Variants in KAT6B observed in about 807,000 individuals in gnomAD.
KAT6B encodes the protein lysine acetyltransferase 6B.
A neutral mutation model predicts 187.5 loss-of-function variants in KAT6B; 10 were observed. That is an observed-to-expected ratio of 0.05 (90% CI 0.03 to 0.09). The LOEUF is 0.09. Among genes scored for constraint, KAT6B ranks in the 10% least tolerant of loss-of-function variants. KAT6B has a pLI of 1.00. For missense variants in KAT6B, 1,952 were observed against 2,558.9 expected (o/e 0.76, Z 5.12); for synonymous variants, 861 against 926.8 (o/e 0.93, Z 1.29).
chr10:74,970,158 C>G lies in KAT6B; in HGVS notation c.928+57C>G. 3.0e-6 allele frequency: 4 copies of G among 1,336,118 alleles called. No homozygotes were observed. In the Admixed American group the frequency reaches 6.8e-5, roughly 23 times the overall value. The allele number at this position is 1,336,118 out of a possible 1,614,324, so 82.8% of individuals were successfully genotyped here. A position where few individuals can be genotyped will look rare whatever the true frequency, so the allele number is the denominator to read the frequency against. On this transcript the variant is annotated intron_variant, in intron 6 of 17. Transcript: ENST00000287239. ...TTATTACATATTGGTTAGCTTTGTC[C>G]TGAGGTCTGACAGCTCAGAGGTATA...
At chr10:75,027,479 A>G (rs180946707) in intron 17 of KAT6B, among the ~76,000 whole-genome samples, 7 of 152,262 alleles carry the variant, frequency 4.6e-5, no homozygotes, top group Admixed American at 4.6e-4. Context: ...TAATAAGACT[A>G]TTGTTCTATA....
intron 13 of KAT6B, among the ~76,000 whole-genome samples, chr10:75,012,196 C>A (rs1232549051): frequency 6.6e-6 from 1 of 152,074 alleles, no homozygotes; most frequent in Admixed American, 6.5e-5. Context: ...ACCTGTAATC[C>A]CAGCACTTTG....
intron 13 of KAT6B, among the ~76,000 whole-genome samples, chr10:75,018,318 G>A (rs967140752): frequency 3.9e-5 from 6 of 152,212 alleles, no homozygotes; most frequent in Non-Finnish European, 8.8e-5. Flanking sequence ...GGACTCTTCC[G>A]TGACTATCAG....
At chr10:74,855,202 G>A (rs1037141434) in intron 3 of KAT6B, among the ~76,000 whole-genome samples, 2 of 152,192 alleles carry the variant, frequency 1.3e-5, no homozygotes, top group African/African-American at 4.8e-5. Context: ...CTGCCATATG[G>A]AGAGCAGTGA....
At position 74,863,152 on chromosome 10, in the gene KAT6B, G is replaced by GCC. The variant is rs1372774216; in HGVS notation, c.621+19674_621+19675insCC. On this transcript the variant is annotated intron_variant, in intron 3 of 17. Transcript: ENST00000287239. Reference sequence around the variant, plus strand: ...TTATCACTGCAAATTTGACTATAAAGATAACTACTGTTGAAAGTGTGTATT... The same window carrying GCC: ...TTATCACTGCAAATTTGACTATAAAGCCATAACTACTGTTGAAAGTGTGTATT... 2.0e-5 allele frequency among the ~76,000 whole-genome samples: 3 copies of GCC among 152,294 alleles called. No homozygotes were observed. The East Asian group carries it at 5.8e-4, about 29-fold the overall frequency.
intron 1 of KAT6B, among the ~76,000 whole-genome samples, chr10:74,837,262 A>G (rs1306172821): frequency 1.3e-5 from 2 of 152,220 alleles, no homozygotes; most frequent in East Asian, 3.8e-4. Context: ...GTTATATTAT[A>G]AGACCGTATG....
intron 3 of KAT6B, among the ~76,000 whole-genome samples, chr10:74,879,913 G>C (rs940282168): frequency 6.6e-6 from 1 of 152,078 alleles, no homozygotes; most frequent in Non-Finnish European, 1.5e-5. Context: ...TGGCCAACAC[G>C]GTGAAACCCC....
intron 3 of KAT6B, among the ~76,000 whole-genome samples, chr10:74,873,281 A>T (rs1053188643): frequency 1.6e-4 from 24 of 150,058 alleles, no homozygotes; most frequent in Middle Eastern, 6.8e-3. Flanking sequence ...GGCAACATAG[A>T]GAGATCCCAT....
At chr10:74,872,682 A>AT (rs1225392175) in intron 3 of KAT6B, among the ~76,000 whole-genome samples, 1 of 132,248 alleles carries the variant, frequency 7.6e-6, no homozygotes, top group African/African-American at 3.9e-5. Context: ...CTGGCTAATT[A>AT]ATTTTTTTTT....
At chr10:74,939,536 G>A (rs1849513871) in intron 3 of KAT6B, among the ~76,000 whole-genome samples, 2 of 152,060 alleles carry the variant, frequency 1.3e-5, no homozygotes, top group Admixed American at 1.3e-4. Context: ...AAGTAGCTGG[G>A]ACTATAGGTG....
chr10:74,937,283 A>G (rs1359830452), intron 3 of KAT6B, among the ~76,000 whole-genome samples: 1 of 152,212 alleles, frequency 6.6e-6, no homozygotes, highest in Non-Finnish European at 1.5e-5. Context: ...TCTTAGGATA[A>G]CTTTAAAAGC....
At chr10:74,977,985 T>A (rs931465520) in intron 9 of KAT6B, among the ~76,000 whole-genome samples, 1 of 152,202 alleles carries the variant, frequency 6.6e-6, no homozygotes, top group African/African-American at 2.4e-5. Flanking sequence ...ACCACCCAGA[T>A]ATTGACAGGT....
intron 3 of KAT6B, among the ~76,000 whole-genome samples, chr10:74,898,768 C>T (rs1017619235): frequency 6.6e-6 from 1 of 152,178 alleles, no homozygotes; most frequent in African/African-American, 2.4e-5. Context: ...CAGTTCTGTG[C>T]TTACAGTCAC....
chr10:74,825,410 GGCCAGGCCGGGC>G (rs1307769424), upstream of KAT6B, among the ~76,000 whole-genome samples: 1 of 150,270 alleles, frequency 6.7e-6, no homozygotes, highest in Non-Finnish European at 1.5e-5. This position sits in a 1 kb window ranked among gnomAD's most constrained non-coding sequence, Gnocchi z 5.0. Context: ...CTGCGCCCCC[GGCCAGGCCGGGC>G]GGGCTGGCGG....
chr10:74,878,289 G>C (rs2132486913), intron 3 of KAT6B, among the ~76,000 whole-genome samples: 1 of 152,248 alleles, frequency 6.6e-6, no homozygotes, highest in African/African-American at 2.4e-5. Flanking sequence ...ACTTTTTGTA[G>C]GTATAGTACA....
At chr10:75,018,639 C>T (rs1246942679) in intron 13 of KAT6B, among the ~76,000 whole-genome samples, 1 of 152,088 alleles carries the variant, frequency 6.6e-6, no homozygotes, top group Non-Finnish European at 1.5e-5. Context: ...TAAGCTGGCC[C>T]ATCATAGTGG....
Position 74,847,492 on chromosome 10 carries a change from G to A in KAT6B, c.621+4014G>A, listed in dbSNP as rs185534661. Among the ~76,000 whole-genome samples, 645 of 151,886 alleles carry A rather than the reference G, an allele frequency of 4.2e-3. 3 individuals carry two copies. Among genetic ancestry groups the A allele is most frequent in the Middle Eastern group, 0.024 (7 of 294 alleles). ...AGCCTGACCAACATGGAGAAACCTCGTCTCTATTAAAAAAATACAAAAGTA... is the reference window on the plus strand; with the variant it reads ...AGCCTGACCAACATGGAGAAACCTCATCTCTATTAAAAAAATACAAAAGTA... On this transcript the variant is annotated intron_variant, in intron 3 of 17. Coordinates refer to ENST00000287239, the MANE Select transcript of KAT6B (RefSeq NM_012330.4).
chr10:75,020,800 A>G lies in KAT6B; in HGVS notation c.2848A>G (p.Lys950Glu). 1 of 1,613,996 alleles carries G rather than the reference A, an allele frequency of 6.2e-7. No individual in the cohort carries two copies. The highest frequency in any genetic ancestry group is 8.5e-7 in the Non-Finnish European group (1 of 1,179,988). Residue 950 changes from lysine (K) to glutamate (E), a missense_variant, in exon 14 of 18, where the codon AAG becomes GAG. By Grantham distance (56) the Lys-to-Glu change is moderately conservative. This residue lies in a region of KAT6B where 758 missense variants were observed against 891.4 expected (regional missense o/e 0.85). Coordinates refer to ENST00000287239, the MANE Select transcript of KAT6B (RefSeq NM_012330.4). ...TCTGCAGCACCTCCACATGATCGAC[A>G]AGAGAGATGGCAGGTGAGTCCTGGG... The part of the protein sequence containing the change: ...TTLQHLHMID[K>E]RDGRFVIIRR...
At chr10:74,908,472 C>T (rs557260624) in intron 3 of KAT6B, among the ~76,000 whole-genome samples, 50 of 150,062 alleles carry the variant, frequency 3.3e-4, no homozygotes, top group Non-Finnish European at 3.7e-4. Flanking sequence ...GATGCAGAAT[C>T]GCTTGAACCT....
Sources: gnomAD v4.1 joint callset for allele counts (sites outside exome capture counted in the v4.1 genomes callset) on GRCh38, gnomAD v4.1.1 for gene constraint, gnomAD v4.1.1 regional missense constraint, Gnocchi (gnomAD v3.1) non-coding constraint, MANE v1.5 for transcripts, NCBI Gene and HGNC (gene_info 2026-07-23, HGNC 2026-07-21) for gene names.